IL1RAPL1: variants seen among roughly 807,000 people sequenced by gnomAD.
IL1RAPL1 encodes the protein interleukin-1 receptor accessory protein-like 1.
A neutral mutation model predicts 48.4 loss-of-function variants in IL1RAPL1; 3 were observed. The observed-to-expected ratio is 0.06, with a 90% confidence interval of 0.03 to 0.16. The LOEUF is 0.16. Among genes scored for constraint, IL1RAPL1 ranks in the 10% least tolerant of loss-of-function variants. IL1RAPL1 has a pLI of 1.00. For synonymous variants in IL1RAPL1, 185 were observed against 187.7 expected (o/e 0.99, Z 0.12); for missense variants, 349 against 530.6 (o/e 0.66, Z 3.36).
intron 5 of IL1RAPL1, among the ~76,000 whole-genome samples, chrX:29,628,805 T>C (rs192959639): frequency 8.9e-6 from 1 of 112,284 alleles, no homozygotes; most frequent in East Asian, 2.8e-4. Flanking sequence ...TTGAATAAAG[T>C]CTGCTTTGAG....
chrX:29,179,405 C>G (rs1930098165), intron 2 of IL1RAPL1, among the ~76,000 whole-genome samples: 1 of 111,735 alleles, frequency 8.9e-6, no homozygotes, highest in Non-Finnish European at 1.9e-5. Context: ...AAATCCTTCT[C>G]AACCAGTTCA....
In IL1RAPL1 at chrX:29,080,924, TTTTCTTTC is replaced by T. The variant is rs1270246223; in HGVS notation, c.83-201948_83-201941del. On this transcript the variant is annotated intron_variant, in intron 2 of 10. Transcript: ENST00000378993. ...CATCCAGCTATTTTTTTTAAATATT[TTTTCTTTC>T]TTTCTTTCTTTCTTTCTTTCTTTCT... Among the ~76,000 whole-genome samples, 218 of 67,835 alleles carry T rather than the reference TTTTCTTTC, an allele frequency of 3.2e-3. 3 individuals carry two copies. The highest frequency in any genetic ancestry group is 9.2e-3 in the Middle Eastern group (1 of 109). 58.9% of individuals were successfully genotyped at this position (67,835 alleles called of 115,157 possible).
At chrX:28,672,387 G>C (rs1468621402) in intron 1 of IL1RAPL1, among the ~76,000 whole-genome samples, 2 of 111,599 alleles carry the variant, frequency 1.8e-5, no homozygotes, top group Non-Finnish European at 3.8e-5. Context: ...TGCTATCTTT[G>C]CTCTTCAAGA....
chrX:29,784,866 C>T (rs1196088704), intron 6 of IL1RAPL1, among the ~76,000 whole-genome samples: 1 of 111,764 alleles, frequency 8.9e-6, no homozygotes, highest in Non-Finnish European at 1.9e-5. Flanking sequence ...TTTCAGATTA[C>T]ATGCATCTTA....
intron 6 of IL1RAPL1, among the ~76,000 whole-genome samples, chrX:29,689,625 A>G (rs1926722853): frequency 9.0e-6 from 1 of 111,676 alleles, no homozygotes; most frequent in African/African-American, 3.3e-5. Context: ...TTAAGCAGAC[A>G]TTGATGAAGT....
chrX:29,917,697 CATA>C, intron 7 of IL1RAPL1, 101 bp downstream of exon 7: 1 of 657,023 alleles, frequency 1.5e-6, no homozygotes, highest in Non-Finnish European at 2.4e-6. Context: ...TTACTAGTAT[CATA>C]ATAAAAATAC....
chrX:28,683,949 A>G (rs895112766), intron 1 of IL1RAPL1, among the ~76,000 whole-genome samples: 3 of 111,996 alleles, frequency 2.7e-5, no homozygotes, highest in Non-Finnish European at 3.8e-5. Context: ...CCCTAACTCA[A>G]GATCCTTAAC....
chrX:29,454,513 C>T (rs1042320138), intron 5 of IL1RAPL1, among the ~76,000 whole-genome samples: 1 of 111,024 alleles, frequency 9.0e-6, no homozygotes, highest in Non-Finnish European at 1.9e-5. Flanking sequence ...ATGTGTGCAC[C>T]ACATATCATA....
At chrX:29,568,661 A>G (rs900970945) in intron 5 of IL1RAPL1, among the ~76,000 whole-genome samples, 1 of 111,398 alleles carries the variant, frequency 9.0e-6, no homozygotes, top group Non-Finnish European at 1.9e-5. Flanking sequence ...GGAATTATAT[A>G]AAATATGGAG....
chrX:28,670,197 CTT>C (rs1934934764), intron 1 of IL1RAPL1, among the ~76,000 whole-genome samples: 2 of 111,720 alleles, frequency 1.8e-5, no homozygotes, highest in Admixed American at 9.5e-5. Flanking sequence ...AAGACTGTGT[CTT>C]AATCTTTATG....
At chrX:29,081,024 CTTTTCTTTTCTTTTCT>C (rs1275043377) in intron 2 of IL1RAPL1, among the ~76,000 whole-genome samples, 66 of 41,504 alleles carry the variant, frequency 1.6e-3, no homozygotes, top group Non-Finnish European at 2.7e-3. Flanking sequence ...CTCTCTCTTT[CTTTTCTTTTCTTTTCT>C]TTTCTTTTCT....
chrX:28,681,234 T>G (rs1008658721), intron 1 of IL1RAPL1, among the ~76,000 whole-genome samples: 3 of 111,716 alleles, frequency 2.7e-5, no homozygotes, highest in African/African-American at 9.7e-5. Flanking sequence ...TATGATCCTT[T>G]TATTTTTGAG....
At chrX:28,811,293 G>T (rs189996062) in intron 2 of IL1RAPL1, among the ~76,000 whole-genome samples, 119 of 110,892 alleles carry the variant, frequency 1.1e-3, no homozygotes, top group African/African-American at 3.8e-3. Context: ...GCATAATAAA[G>T]TTGCCAATAT....
At position 29,357,515 on chromosome X, in the gene IL1RAPL1, C is replaced by A. The variant is rs747942126; in HGVS notation, c.363-38743C>A. 1.2e-4 allele frequency among the ~76,000 whole-genome samples: 13 copies of A among 112,212 alleles called. No individual in the cohort carries two copies. The East Asian group carries it at 3.6e-3, about 31-fold the overall frequency. On this transcript the variant is annotated intron_variant, in intron 3 of 10. Coordinates refer to ENST00000378993, the MANE Select transcript of IL1RAPL1 (RefSeq NM_014271.4). ...TTTCCACTATTTTTCTTTTTCAAAT[C>A]ATACAATTGAGATAAAGATTCAGTA...
At chrX:29,714,255 A>C (rs748479154) in intron 6 of IL1RAPL1, among the ~76,000 whole-genome samples, 333 of 111,843 alleles carry the variant, frequency 3.0e-3, no homozygotes, top group Non-Finnish European at 5.2e-3. Flanking sequence ...AATAGAAGAC[A>C]ATCAGGGTTG....
chrX:29,418,767 TAAAAC>T (rs1033058738), intron 5 of IL1RAPL1, among the ~76,000 whole-genome samples: 13 of 112,123 alleles, frequency 1.2e-4, no homozygotes, highest in African/African-American at 3.9e-4. Flanking sequence ...AAAATTAAAT[TAAAAC>T]AAAAGGTGAA....
intron 6 of IL1RAPL1, among the ~76,000 whole-genome samples, chrX:29,877,549 T>C (rs1446153270): frequency 1.8e-5 from 2 of 112,208 alleles, no homozygotes; most frequent in Non-Finnish European, 3.8e-5. Flanking sequence ...GATTAACAAA[T>C]TATTATTATG....
chrX:29,345,735 C>T (rs1373917824), intron 3 of IL1RAPL1, among the ~76,000 whole-genome samples: 1 of 111,299 alleles, frequency 9.0e-6, no homozygotes, highest in Non-Finnish European at 1.9e-5. Flanking sequence ...ATAAAAGCAA[C>T]TTGATTTATA....
intron 5 of IL1RAPL1, among the ~76,000 whole-genome samples, chrX:29,435,189 T>A (rs1354679250): frequency 1.8e-5 from 2 of 111,696 alleles, no homozygotes; most frequent in Non-Finnish European, 3.8e-5. Flanking sequence ...ACATTTTGTT[T>A]AGACATTCAT....
Sources: allele counts gnomAD v4.1 joint callset (sites outside exome capture counted in the v4.1 genomes callset), GRCh38; gene constraint gnomAD v4.1.1; transcripts MANE v1.5; gene names NCBI Gene and HGNC (gene_info 2026-07-23, HGNC 2026-07-21).